NELL1: variants seen among roughly 807,000 people sequenced by gnomAD.
NELL1 encodes protein kinase C-binding protein NELL1.
Under a neutral mutation model 107.4 loss-of-function variants are expected in NELL1, and 76 were observed. The observed-to-expected ratio is 0.71, with a 90% confidence interval of 0.59 to 0.86. The LOEUF (loss-of-function observed/expected upper bound fraction) is 0.86. Among genes scored for constraint, NELL1 ranks in the 40% least tolerant of loss-of-function variants. The pLI, the probability that NELL1 is intolerant of heterozygous loss-of-function variation, is 0.00. For missense variants in NELL1, 1,024 were observed against 1,005.5 expected (o/e 1.02, Z -0.25); for synonymous variants, 353 against 341.2 (o/e 1.03, Z -0.38).
At chr11:20,701,005 G>C (rs764673337) in intron 2 of NELL1, among the ~76,000 whole-genome samples, 2 of 152,102 alleles carry the variant, frequency 1.3e-5, no homozygotes, top group African/African-American at 2.4e-5. Flanking sequence ...ATGATTTATA[G>C]TCCTTTGGGT....
At chr11:21,310,893 G>C (rs997012489) in intron 14 of NELL1, among the ~76,000 whole-genome samples, 1 of 152,056 alleles carries the variant, frequency 6.6e-6, no homozygotes, top group African/African-American at 2.4e-5. Context: ...GTATCTGATG[G>C]GTGCTGAGAA....
chr11:21,237,627 C>T (rs1243482108), intron 14 of NELL1, among the ~76,000 whole-genome samples: 1 of 152,042 alleles, frequency 6.6e-6, no homozygotes, highest in Non-Finnish European at 1.5e-5. Flanking sequence ...ATGGGCCAGG[C>T]ACTATGCTAG....
intron 13 of NELL1, among the ~76,000 whole-genome samples, chr11:21,129,229 C>A (rs1363718188): frequency 6.6e-6 from 1 of 151,866 alleles, no homozygotes; most frequent in Admixed American, 6.6e-5. Flanking sequence ...GACTTAATGC[C>A]ATGAAACAGA....
At chr11:20,947,546 G>A (rs887765222) in intron 11 of NELL1, 111 bp downstream of exon 11, 8 of 755,422 alleles carry the variant, frequency 1.1e-5, no homozygotes, top group South Asian at 4.8e-5. Flanking sequence ...AACTCTGTGC[G>A]CTGCTCCTTA....
chr11:20,959,950 G>T (rs891544864), intron 11 of NELL1, among the ~76,000 whole-genome samples: 3 of 152,196 alleles, frequency 2.0e-5, no homozygotes, highest in African/African-American at 7.2e-5. Context: ...ATAAAAAGCT[G>T]CAAGGGAGTG....
chr11:21,259,949 C>T (rs551925601), intron 14 of NELL1: 1 of 151,920 alleles, frequency 6.6e-6, no homozygotes, highest in South Asian at 2.1e-4. Context: ...CTCAAAATTA[C>T]CACCAAATAT....
At chr11:20,884,857 A>G (rs1849475788) in intron 4 of NELL1, among the ~76,000 whole-genome samples, 1 of 152,198 alleles carries the variant, frequency 6.6e-6, no homozygotes, top group African/African-American at 2.4e-5. Context: ...AAAGTGTTCA[A>G]TAAATATTTG....
chr11:20,731,678 C>T (rs1343805673), intron 2 of NELL1, among the ~76,000 whole-genome samples: 2 of 152,210 alleles, frequency 1.3e-5, no homozygotes, highest in African/African-American at 4.8e-5. Flanking sequence ...GGTTAGGTAA[C>T]TTACCTCTCT....
At chr11:21,151,128 G>A (rs758911135) in intron 13 of NELL1, among the ~76,000 whole-genome samples, 1 of 152,136 alleles carries the variant, frequency 6.6e-6, no homozygotes, top group African/African-American at 2.4e-5. Context: ...ATTTGGGTAG[G>A]GACACAGTGC....
chr11:21,120,205 A>G (rs957822280), intron 13 of NELL1, among the ~76,000 whole-genome samples: 1 of 152,170 alleles, frequency 6.6e-6, no homozygotes, highest in African/African-American at 2.4e-5. Flanking sequence ...GTACACTATA[A>G]TGAAAAGAGA....
chr11:21,539,061 A>G (rs1856220254), intron 16 of NELL1, among the ~76,000 whole-genome samples: 1 of 152,138 alleles, frequency 6.6e-6, no homozygotes, highest in Admixed American at 6.6e-5. Context: ...TCTGTAAAGC[A>G]GGGATTCTCA....
At chr11:21,372,721 C>G (rs1005318000) in intron 15 of NELL1, among the ~76,000 whole-genome samples, 1 of 151,868 alleles carries the variant, frequency 6.6e-6, no homozygotes, top group African/African-American at 2.4e-5. Flanking sequence ...TTTCACCAAG[C>G]ACCTCAGGAT....
At chr11:21,252,107 T>C (rs1473011928) in intron 14 of NELL1, among the ~76,000 whole-genome samples, 1 of 152,208 alleles carries the variant, frequency 6.6e-6, no homozygotes, top group Non-Finnish European at 1.5e-5. Flanking sequence ...TTCATTATTC[T>C]ATTTATAGAT....
At chr11:21,175,121 A>G (rs1477495161) in intron 13 of NELL1, among the ~76,000 whole-genome samples, 2 of 151,822 alleles carry the variant, frequency 1.3e-5, no homozygotes, top group Non-Finnish European at 2.9e-5. Context: ...TAAAATTAGT[A>G]GCAGCGTAAT....
chr11:21,098,835 G>GTC (rs1854722503), intron 12 of NELL1, among the ~76,000 whole-genome samples: 2 of 151,854 alleles, frequency 1.3e-5, no homozygotes, highest in South Asian at 4.2e-4. Context: ...TCTGCCTCTC[G>GTC]TGTATGTGTG....
At chr11:20,860,054 G>A (rs1313816302) in intron 4 of NELL1, among the ~76,000 whole-genome samples, 1 of 152,076 alleles carries the variant, frequency 6.6e-6, no homozygotes, top group East Asian at 1.9e-4. Flanking sequence ...TCCTTGCATT[G>A]GTTTCTGCCT....
chr11:21,048,341 G>C (rs139152135), intron 12 of NELL1, among the ~76,000 whole-genome samples: 70 of 152,168 alleles, frequency 4.6e-4, no homozygotes, highest in Non-Finnish European at 9.0e-4. Flanking sequence ...GAAGTTATCT[G>C]TTTCCTCAGA....
chr11:21,232,825 G>T (rs141377454), intron 14 of NELL1, among the ~76,000 whole-genome samples: 30 of 151,980 alleles, frequency 2.0e-4, no homozygotes, highest in South Asian at 8.3e-4. Context: ...GCTAATTTTT[G>T]TATTTTTAAT....
chr11:21,154,172 G>T (rs886432651), intron 13 of NELL1, among the ~76,000 whole-genome samples: 1 of 152,164 alleles, frequency 6.6e-6, no homozygotes, highest in African/African-American at 2.4e-5. Flanking sequence ...TTGATGTTTT[G>T]TGAAGTTTGT....
Sources: gnomAD v4.1 joint callset for allele counts (sites outside exome capture counted in the v4.1 genomes callset) on GRCh38, gnomAD v4.1.1 for gene constraint, MANE v1.5 for transcripts, NCBI Gene and HGNC (gene_info 2026-07-23, HGNC 2026-07-21) for gene names.